The following ADAM15 variants were observed in gnomAD, a reference collection of about 807,000 sequenced individuals.
The protein encoded by ADAM15 is ADAM metallopeptidase domain 15.
Under a neutral mutation model 113.8 loss-of-function variants are expected in ADAM15, and 77 were observed. The observed-to-expected ratio is 0.68, with a 90% CI of 0.56 to 0.82. The LOEUF (loss-of-function observed/expected upper bound fraction) is 0.82. Among genes scored for constraint, ADAM15 ranks in the 40% least tolerant of loss-of-function variants. ADAM15 has a pLI of 0.00. For missense variants in ADAM15, 963 were observed against 1,120.1 expected (o/e 0.86, Z 2.00); for synonymous variants, 388 against 454.1 (o/e 0.85, Z 1.85).
intron 19 of ADAM15, chr1:155,061,162 C>A: frequency 1.7e-6 from 1 of 577,670 alleles, no homozygotes; most frequent in African/African-American, 1.9e-5. Flanking sequence ...AATGGCCTTC[C>A]GTAGGCCCAG....
At position 155,061,865 on chromosome 1, in the gene ADAM15, G is replaced by A. The variant is rs750238277; in HGVS notation, c.2353-39G>A. On this transcript the variant is annotated intron_variant, in intron 20 of 22. Coordinates refer to ENST00000356955, the MANE Select transcript of ADAM15 (RefSeq NM_207197.3). ...ATCTCTGTGCATGTCCACAGCCCCT[G>A]GTTATGCTCTCACAGCCACTGCCCC... The A allele has an allele frequency of 2.7e-6, 4 of 1,491,324 alleles. No individual in the cohort carries two copies. In the Admixed American group the frequency reaches 9.3e-5, roughly 35 times the overall value. The allele number at this position is 1,491,324 out of a possible 1,614,324, so 92.4% of individuals were successfully genotyped here. A position where few individuals can be genotyped will look rare whatever the true frequency, so the allele number is the denominator to read the frequency against.
In ADAM15 at chr1:155,058,178, T is replaced by C; in HGVS notation, c.1721+23T>C. 2 of 1,611,140 alleles carry C rather than the reference T, an allele frequency of 1.2e-6. No individual in the cohort carries two copies. Among genetic ancestry groups the C allele is most frequent in the African/African-American group, 1.3e-5 (1 of 74,924 alleles). On this transcript the variant is annotated intron_variant, in intron 14 of 22. Coordinates refer to ENST00000356955, the MANE Select transcript of ADAM15 (RefSeq NM_207197.3). The surrounding 1 kb of genome is among the most constrained non-coding windows in gnomAD (Gnocchi z 4.3). ...TAGGTAAGTGAGGAAACCTGGCTCC[T>C]CCTTTGGGTTTCTGAGAGCCTTGGC... is the stretch of plus-strand genomic sequence containing the variant.
Position 155,062,350 on chromosome 1 carries a change from C to A in ADAM15, c.2530C>A (p.Pro844Thr), listed in dbSNP as rs757341237. ...DLPGPGAGIP[P>T]LVVPSRPAPP... is the part of the protein sequence containing the mutation. Reference sequence around the variant, plus strand: ...GCCCGGCCCAGGGGCTGGAATCCCGCCCCTAGTGGTACCCTCCAGGTAGGA... The same window carrying A: ...GCCCGGCCCAGGGGCTGGAATCCCGACCCTAGTGGTACCCTCCAGGTAGGA... The change falls in exon 22 of 23, where the codon CCC (proline) becomes ACC (threonine). Residue 844 changes from proline to threonine, a missense_variant. Coordinates refer to ENST00000356955, the MANE Select transcript of ADAM15 (RefSeq NM_207197.3). This position sits in a 1 kb window ranked among gnomAD's most constrained non-coding sequence, Gnocchi z 7.0. 2.5e-6 allele frequency: 4 copies of A among 1,579,092 alleles called. No homozygotes were observed. The highest frequency in any genetic ancestry group is 3.4e-6 in the Non-Finnish European group (4 of 1,161,974).
intron 18 of ADAM15, 108 bp downstream of exon 18, chr1:155,060,451 G>A: frequency 6.7e-7 from 1 of 1,495,944 alleles, no homozygotes; most frequent in South Asian, 1.2e-5. Flanking sequence ...AGGCCCCTTG[G>A]ACCTTAAAGT....
intron 20 of ADAM15, 123 bp from the exon 21 acceptor site, chr1:155,061,781 C>T (rs1662655360): frequency 8.9e-7 from 1 of 1,121,710 alleles, no homozygotes; most frequent in Non-Finnish European, 1.3e-6. Flanking sequence ...TCTGCGCATG[C>T]CCTCATTCTC....
At chr1:155,061,630 C>A in intron 20 of ADAM15, 141 bp downstream of exon 20, 1 of 972,768 alleles carries the variant, frequency 1.0e-6, no homozygotes, top group East Asian at 2.7e-5. Context: ...CACTCTGAGC[C>A]CCAGAAGCAG....
chr1:155,052,258 C>CTCCG, intron 1 of ADAM15: 1 of 529,024 alleles, frequency 1.9e-6, no homozygotes. Context: ...TTCCTGGCAT[C>CTCCG]TCCGATGTGA....
At chr1:155,052,444 G>A (rs1661173982) in intron 1 of ADAM15, 1 of 1,489,884 alleles carries the variant, frequency 6.7e-7, no homozygotes, top group Non-Finnish European at 9.0e-7. Flanking sequence ...CAAGCCGAAA[G>A]TCTTTCTTGG....
rs1661422671 is a variant in ADAM15, at chr1:155,053,913, G to A, written c.267G>A (p.Glu89=). The A allele has an allele frequency of 1.2e-6, 2 of 1,613,964 alleles. No individual in the cohort carries two copies. Among genetic ancestry groups the A allele is most frequent in the Non-Finnish European group, 1.7e-6 (2 of 1,179,994 alleles). The change falls in exon 4 of 23, where the codon GAG becomes GAA. Residue 89 remains glutamate (E), a synonymous_variant. Coordinates refer to ENST00000356955, the MANE Select transcript of ADAM15 (RefSeq NM_207197.3). ...SHILELLQNR[E]LVPGRPTLVW... ...CTTCTTTTTCTTCACTCCACAGGGA[G>A]TTGGTCCCAGGCCGCCCAACCCTGG...
chr1:155,059,886 G>A lies in ADAM15; in HGVS notation c.1996-16G>A, dbSNP rs769389638. The A allele has an allele frequency of 1.6e-5, 26 of 1,613,098 alleles. No individual in the cohort carries two copies. The highest frequency in any genetic ancestry group is 2.2e-5 in the East Asian group (1 of 44,892). On this transcript the variant is annotated splice_polypyrimidine_tract_variant and intron_variant, in intron 16 of 22. Coordinates refer to ENST00000356955, the MANE Select transcript of ADAM15 (RefSeq NM_207197.3). ...CAGAGTGCAGAGCTCCTCATTGCTC[G>A]CCTTGTACCTCCTAGGTCTGTGACA...
rs543354056 is a variant in ADAM15 at position 155,062,477 on chromosome 1, C to A, written c.2567C>A (p.Pro856Gln). The A allele has an allele frequency of 3.1e-6, 5 of 1,613,466 alleles. No individual in the cohort carries two copies. Among genetic ancestry groups the A allele is most frequent in the African/African-American group, 1.3e-5 (1 of 75,052 alleles). ...VVPSRPAPPP[P>Q]TVSSLYL ...CAATCCAGACCAGCGCCACCGCCTC[C>A]GACAGTGTCCTCGCTCTACCTCTGA... The change falls in exon 23 of 23, where the codon CCG (proline) becomes CAG (glutamine). Residue 856 changes from proline to glutamine, a missense_variant. Coordinates refer to ENST00000356955, the MANE Select transcript of ADAM15 (RefSeq NM_207197.3). The surrounding 1 kb of genome is among the most constrained non-coding windows in gnomAD (Gnocchi z 7.0).
At chr1:155,060,030 A>G (rs544626738) in intron 17 of ADAM15, 56 bp downstream of exon 17, 1 of 1,603,212 alleles carries the variant, frequency 6.2e-7, no homozygotes, top group Non-Finnish European at 8.5e-7. Flanking sequence ...CTCATGCTTT[A>G]TCTTGCCCCC....
At position 155,062,306 on chromosome 1, in the gene ADAM15, G is replaced by A. The variant is rs556401943; in HGVS notation, c.2486G>A (p.Arg829Gln). ...CCACTGCCTGCCGACCCCCAGGGCC[G>A]GTGCCCATCGGGTGACCTGCCCGGC... ...RKPLPADPQG[R>Q]CPSGDLPGPG... The change falls in exon 22 of 23, where the codon CGG becomes CAG. Residue 829 changes from arginine (R) to glutamine (Q), a missense_variant. Physicochemically the swap from Arg to Gln is conservative, Grantham distance 43. Transcript: ENST00000356955. The surrounding 1 kb of genome is among the most constrained non-coding windows in gnomAD (Gnocchi z 7.0). 5.3e-6 allele frequency: 8 copies of A among 1,502,292 alleles called. No homozygotes were observed. Among genetic ancestry groups the A allele is most frequent in the African/African-American group, 2.8e-5 (2 of 71,996 alleles). 93.1% of individuals were successfully genotyped at this position (1,502,292 alleles called of 1,614,324 possible). A position where few individuals can be genotyped will look rare whatever the true frequency, so the allele number is the denominator to read the frequency against.
In ADAM15 at chr1:155,057,206, C is replaced by T. The variant is rs1558126401; in HGVS notation, c.1167C>T (p.Asn389=). Residue 389 remains asparagine, a synonymous_variant, in exon 12 of 23, where the codon AAC becomes AAT. Transcript: ENST00000356955. The surrounding 1 kb of genome is among the most constrained non-coding windows in gnomAD (Gnocchi z 5.0). ...TCCCCAGCTTCCTACCAGGCCTGAA[C>T]TTCAGCAACTGCAGCCGACGGGCCC... ...EASTDFLPGL[N]FSNCSRRALE... is the part of the protein sequence containing the mutation. 2 of 1,613,748 alleles carry T rather than the reference C, an allele frequency of 1.2e-6. No individual in the cohort carries two copies. The highest frequency in any genetic ancestry group is 2.2e-5 in the East Asian group (1 of 44,892).
Position 155,054,293 on chromosome 1 carries a change from TCTGA to T in ADAM15, c.420-18_420-15del, listed in dbSNP as rs761897423. ...ACCCAGGCATGGAGCTGAAATGTTC[TCTGA>T]CTTTCTTTTTTCTTAGAGGCTTGGT... On this transcript the variant is annotated splice_polypyrimidine_tract_variant and intron_variant, in intron 5 of 22. Coordinates refer to ENST00000356955, the MANE Select transcript of ADAM15 (RefSeq NM_207197.3). 6 of 1,584,032 alleles carry T rather than the reference TCTGA, an allele frequency of 3.8e-6. No homozygotes were observed. In the South Asian group the frequency reaches 5.7e-5, roughly 15 times the overall value.
At chr1:155,053,384 C>T in intron 2 of ADAM15, 33 bp from the exon 3 acceptor site, 1 of 1,607,704 alleles carries the variant, frequency 6.2e-7, no homozygotes, top group Non-Finnish European at 8.5e-7. Context: ...GTGGACAGGT[C>T]TAGGGAGGTG....
At chr1:155,055,071 A>G (rs1291060125) in intron 6 of ADAM15, among the ~76,000 whole-genome samples, 7 of 152,082 alleles carry the variant, frequency 4.6e-5, no homozygotes, top group African/African-American at 1.7e-4. Flanking sequence ...ATATAAACCC[A>G]ATTTCCTAAT....
intron 2 of ADAM15, 150 bp from the exon 3 acceptor site, chr1:155,053,267 G>A: frequency 1.4e-6 from 1 of 716,388 alleles, no homozygotes; most frequent in Non-Finnish European, 2.4e-6. Flanking sequence ...AATGCTCCAG[G>A]CCAGGCAGGG....
intron 2 of ADAM15, 109 bp from the exon 3 acceptor site, chr1:155,053,308 C>T: frequency 2.0e-6 from 2 of 981,870 alleles, no homozygotes; most frequent in Non-Finnish European, 1.6e-6. Context: ...GATCCCCCCA[C>T]CAGTGATCTA....
Sources: allele counts gnomAD v4.1 joint callset (sites outside exome capture counted in the v4.1 genomes callset), GRCh38; gene constraint gnomAD v4.1.1; non-coding constraint Gnocchi (gnomAD v3.1); transcripts MANE v1.5; gene names NCBI Gene and HGNC (gene_info 2026-07-23, HGNC 2026-07-21).